Variants in TMC5 observed in about 807,000 individuals in gnomAD.
The protein encoded by TMC5 is transmembrane channel like 5.
In TMC5, 86 loss-of-function variants were observed where a neutral mutation model predicts 110.5. That is an observed-to-expected ratio of 0.78 (90% confidence interval 0.65 to 0.93). The LOEUF (loss-of-function observed/expected upper bound fraction) is 0.93, where lower values mean the gene tolerates loss of function less well. TMC5 is among the 40% of genes least tolerant of loss of function. TMC5 has a pLI of 0.00. For synonymous variants in TMC5, 455 were observed against 439.5 expected (o/e 1.04, Z -0.44); for missense variants, 1,144 against 1,222.8 (o/e 0.94, Z 0.96).
chr16:19,471,918 G>A (rs188189344), intron 10 of TMC5, among the ~76,000 whole-genome samples, 170 bp from the exon 11 acceptor site: 6 of 152,134 alleles, frequency 3.9e-5, no homozygotes, highest in East Asian at 1.9e-4. Context: ...GCACCACCAC[G>A]CCCGGCTAAT....
intron 5 of TMC5, among the ~76,000 whole-genome samples, chr16:19,453,092 A>T (rs1041414652): frequency 4.0e-5 from 6 of 151,758 alleles, no homozygotes; most frequent in Non-Finnish European, 7.4e-5. Context: ...AGAGGACCAA[A>T]AGATGAACCT....
chr16:19,416,844 A>T (rs964019060), upstream of TMC5, among the ~76,000 whole-genome samples: 1 of 152,212 alleles, frequency 6.6e-6, no homozygotes, highest in Non-Finnish European at 1.5e-5. Flanking sequence ...CTGTAATCCC[A>T]GCATTTTGGC....
intron 19 of TMC5, among the ~76,000 whole-genome samples, chr16:19,493,466 T>TTTCTCTCTCTC (rs55737824): frequency 7.2e-5 from 9 of 124,502 alleles, no homozygotes; most frequent in Middle Eastern, 3.8e-3. Flanking sequence ...TCTCTCTCTC[T>TTTCTCTCTCTC]TTTTTTTTTT....
upstream of TMC5, among the ~76,000 whole-genome samples, chr16:19,415,267 G>A (rs1200734986): frequency 6.6e-6 from 1 of 152,194 alleles, no homozygotes; most frequent in African/African-American, 2.4e-5. Flanking sequence ...AAAATGTTGA[G>A]TTGCTGATTT....
intron 4 of TMC5, among the ~76,000 whole-genome samples, chr16:19,448,685 T>G (rs1216107827): frequency 1.6e-4 from 7 of 42,872 alleles, no homozygotes; most frequent in Admixed American, 1.4e-3. Context: ...AAATATATAT[T>G]TATAGATAAT....
intron 5 of TMC5, among the ~76,000 whole-genome samples, chr16:19,454,385 G>A (rs1227288775): frequency 2.0e-5 from 3 of 152,158 alleles, no homozygotes; most frequent in Admixed American, 1.3e-4. Context: ...GTTACAGGAA[G>A]GGGCCAGAGT....
chr16:19,450,484 C>A (rs1967723282), intron 5 of TMC5, among the ~76,000 whole-genome samples: 1 of 152,178 alleles, frequency 6.6e-6, no homozygotes, highest in South Asian at 2.1e-4. Context: ...CTTTGTAAAA[C>A]TTGCTTTTCA....
chr16:19,477,314 A>G (rs1336394875), intron 12 of TMC5, 126 bp from the exon 13 acceptor site: 1 of 707,558 alleles, frequency 1.4e-6, no homozygotes, highest in East Asian at 2.6e-5. Flanking sequence ...GGAACTAGCC[A>G]TGTGCCCCCC....
At chr16:19,492,060 G>A in intron 18 of TMC5, 90 bp from the exon 19 acceptor site, 1 of 1,031,760 alleles carries the variant, frequency 9.7e-7, no homozygotes, top group Non-Finnish European at 1.5e-6. Flanking sequence ...CCATCTGCAA[G>A]CACAGATTCC....
chr16:19,474,051 G>T, intron 11 of TMC5, 74 bp from the exon 12 acceptor site: 1 of 1,444,280 alleles, frequency 6.9e-7, no homozygotes, highest in Non-Finnish European at 9.3e-7. Context: ...TTCTATCATG[G>T]GAGACTTTTG....
intron 1 of TMC5, among the ~76,000 whole-genome samples, chr16:19,420,386 C>T (rs1045557363): frequency 2.6e-5 from 4 of 151,766 alleles, no homozygotes; most frequent in African/African-American, 9.7e-5. Flanking sequence ...TGAGATCATG[C>T]CACTGCACTC....
intron 5 of TMC5, among the ~76,000 whole-genome samples, chr16:19,453,691 C>T (rs1015450113): frequency 1.1e-4 from 16 of 152,164 alleles, no homozygotes; most frequent in African/African-American, 3.9e-4. Flanking sequence ...TCCCTTGGGC[C>T]CAGGAGGCAG....
chr16:19,463,225 G>T, intron 6 of TMC5, 55 bp from the exon 7 acceptor site: 2 of 1,362,260 alleles, frequency 1.5e-6, no homozygotes, highest in South Asian at 1.2e-5. Context: ...ACTATTTTTT[G>T]AATGAATGAG....
intron 5 of TMC5, among the ~76,000 whole-genome samples, chr16:19,453,098 A>G (rs1967787622): frequency 6.6e-6 from 1 of 151,816 alleles, no homozygotes; most frequent in African/African-American, 2.4e-5. Context: ...CCAAAAGATG[A>G]ACCTGGCTGT....
intron 1 of TMC5, chr16:19,411,346 C>G (rs1274181155): frequency 6.6e-6 from 1 of 152,192 alleles, no homozygotes; most frequent in Non-Finnish European, 1.5e-5. Context: ...TTAGACTTCC[C>G]TCACAGAGAT....
At chr16:19,467,485 TAA>T (rs1217690977) in intron 9 of TMC5, among the ~76,000 whole-genome samples, 2 of 152,086 alleles carry the variant, frequency 1.3e-5, no homozygotes, top group South Asian at 2.1e-4. Flanking sequence ...TTTAATTAAT[TAA>T]TTAATTTATT....
intron 1 of TMC5, chr16:19,411,414 C>T (rs1477249060): frequency 6.6e-6 from 1 of 152,162 alleles, no homozygotes; most frequent in Non-Finnish European, 1.5e-5. Context: ...CTGGGGTAAT[C>T]TACGAAATAG....
At chr16:19,434,348 TG>T (rs1295431807) in intron 2 of TMC5, among the ~76,000 whole-genome samples, 3 of 115,280 alleles carry the variant, frequency 2.6e-5, no homozygotes, top group East Asian at 2.3e-4. Context: ...ATATATTATA[TG>T]ATCTATATTA....
Position 19,440,288 on chromosome 16 carries a change from T to C in TMC5, c.250T>C (p.Ser84Pro), listed in dbSNP as rs1430733381. The C allele has an allele frequency of 1.2e-6, 2 of 1,613,970 alleles. No homozygotes were observed. Among genetic ancestry groups the C allele is most frequent in the African/African-American group, 2.7e-5 (2 of 74,878 alleles). The change falls in exon 3 of 22, where the codon TCT becomes CCT. Residue 84 changes from serine to proline, a missense_variant. Ser to Pro is a moderately conservative substitution (Grantham distance 74). Coordinates refer to ENST00000542583, the MANE Select transcript of TMC5 (RefSeq NM_001261841.2). ...TAGATCTCTGAGTAATCCAGACTAT[T>C]CTGGCACCAGAAGCAATGCATACTC... ...YPRSLSNPDY[S>P]GTRSNAYSAA...
Sources: allele counts gnomAD v4.1 joint callset (sites outside exome capture counted in the v4.1 genomes callset), GRCh38; gene constraint gnomAD v4.1.1; transcripts MANE v1.5; gene names NCBI Gene and HGNC (gene_info 2026-07-23, HGNC 2026-07-21).